The following DNALI1 variants were observed in gnomAD, a reference collection of about 807,000 sequenced individuals.
The protein encoded by DNALI1 is axonemal dynein light intermediate polypeptide 1.
A neutral mutation model predicts 33.9 loss-of-function variants in DNALI1; 31 were observed. The observed-to-expected ratio is 0.91, with a 90% CI of 0.69 to 1.23. The LOEUF (loss-of-function observed/expected upper bound fraction) is 1.23. DNALI1 is among the 50% of genes most tolerant of loss of function. The pLI is 0.00. For synonymous variants in DNALI1, 117 were observed against 129.2 expected (o/e 0.91, Z 0.64); for missense variants, 305 against 323.8 (o/e 0.94, Z 0.44).
chr1:37,562,826 TG>T lies in DNALI1; in HGVS notation c.741+583del, dbSNP rs1643456863. Reference sequence around the variant, plus strand: ...GAGGTGATAGGAGGGAGGGGGCTGGTGGACAAAGCTGGGCAGGAGGCCATGC... The same window carrying T: ...GAGGTGATAGGAGGGAGGGGGCTGGTGACAAAGCTGGGCAGGAGGCCATGC... On this transcript the variant is annotated intron_variant, in intron 5 of 5. Transcript: ENST00000652629. The surrounding 1 kb of genome is among the most constrained non-coding windows in gnomAD (Gnocchi z 5.8). Among the ~76,000 whole-genome samples the T allele has an allele frequency of 6.6e-6, 1 of 152,166 alleles. No homozygotes were observed. Among genetic ancestry groups the T allele is most frequent in the South Asian group, 2.1e-4 (1 of 4,826 alleles).
At position 37,559,591 on chromosome 1, in the gene DNALI1, G is replaced by C; in HGVS notation, c.397+95G>C. 1 of 1,318,824 alleles carries C rather than the reference G, an allele frequency of 7.6e-7. No homozygotes were observed. The highest frequency in any genetic ancestry group is 3.4e-5 in the Admixed American group (1 of 29,260). The allele number at this position is 1,318,824 out of a possible 1,614,324, so 81.7% of individuals were successfully genotyped here. A position where few individuals can be genotyped will look rare whatever the true frequency, so the allele number is the denominator to read the frequency against. On this transcript the variant is annotated intron_variant, in intron 3 of 5. Coordinates refer to ENST00000652629, the MANE Select transcript of DNALI1 (RefSeq NM_003462.5). The surrounding 1 kb of genome is among the most constrained non-coding windows in gnomAD (Gnocchi z 5.3). Reference sequence around the variant, plus strand: ...TCCAAGCCTGAGCACCTTGGAGCTGGAGCCCATCTCATGCTGGAATCCCCT... The same window carrying C: ...TCCAAGCCTGAGCACCTTGGAGCTGCAGCCCATCTCATGCTGGAATCCCCT...
intron 2 of DNALI1, 67 bp downstream of exon 2, chr1:37,557,815 G>A: frequency 6.3e-7 from 1 of 1,596,530 alleles, no homozygotes; most frequent in Non-Finnish European, 8.5e-7. Context: ...TGGGAGTGTG[G>A]GGGGAGGCAC....
rs1413348314 is a variant in DNALI1, at chr1:37,562,434, A to G, written c.741+189A>G. Among the ~76,000 whole-genome samples the G allele has an allele frequency of 2.0e-5, 3 of 152,116 alleles. No individual in the cohort carries two copies. Among genetic ancestry groups the G allele is most frequent in the Non-Finnish European group, 4.4e-5 (3 of 68,026 alleles). On this transcript the variant is annotated intron_variant, in intron 5 of 5. Coordinates refer to ENST00000652629, the MANE Select transcript of DNALI1 (RefSeq NM_003462.5). The surrounding 1 kb of genome is among the most constrained non-coding windows in gnomAD (Gnocchi z 5.8). ...GAGGGGGTCTCTACTCTCAACTCCA[A>G]ATCTCTGAGGCGCCTCAGCCTGGCT...
intron 5 of DNALI1, among the ~76,000 whole-genome samples, chr1:37,563,638 G>A (rs146675295): frequency 2.6e-3 from 393 of 152,210 alleles, no homozygotes; most frequent in Non-Finnish European, 2.9e-3. Flanking sequence ...TTACAGGCAT[G>A]TGCCAGCACG....
chr1:37,558,222 T>C (rs1329650492), intron 2 of DNALI1: 1 of 153,534 alleles, frequency 6.5e-6, no homozygotes, highest in African/African-American at 2.4e-5. Flanking sequence ...ACAGCATGTG[T>C]CCTATCCTTC....
At position 37,565,561 on chromosome 1, in the gene DNALI1, GTTTTCTAATGTATTAT is replaced by G. The variant is rs1205638406; in HGVS notation, c.*501_*516del. The G allele has an allele frequency of 6.5e-6, 1 of 154,050 alleles. No homozygotes were observed. Among genetic ancestry groups the G allele is most frequent in the East Asian group, 1.9e-4 (1 of 5,240 alleles). 9.5% of individuals were successfully genotyped at this position (154,050 alleles called of 1,614,324 possible). ...ATTTCTAACTCACTTTGGAGCTTTG[GTTTTCTAATGTATTAT>G]CCCCACTTGCCAGTCAACTGGACCC... On this transcript the variant is annotated 3_prime_UTR_variant, in exon 6 of 6. Transcript: ENST00000652629.
rs1221317001 is a variant in DNALI1, at chr1:37,559,791, C to T, written c.397+295C>T. On this transcript the variant is annotated intron_variant, in intron 3 of 5. Transcript: ENST00000652629. The surrounding 1 kb of genome is among the most constrained non-coding windows in gnomAD (Gnocchi z 5.3). ...AGAAAGAAAGGTGGGCCCAGGGGAC[C>T]GGCACTCAGCATACGGAGGACCCGC... Among the ~76,000 whole-genome samples, 1 of 152,144 alleles carries T rather than the reference C, an allele frequency of 6.6e-6. No individual in the cohort carries two copies. Among genetic ancestry groups the T allele is most frequent in the Non-Finnish European group, 1.5e-5 (1 of 68,022 alleles).
At position 37,561,199 on chromosome 1, in the gene DNALI1, C is replaced by T. The variant is rs554516900; in HGVS notation, c.398-358C>T. 9.2e-6 allele frequency: 2 copies of T among 218,414 alleles called. No homozygotes were observed. The highest frequency in any genetic ancestry group is 1.9e-3 in the Middle Eastern group (1 of 528). The allele number at this position is 218,414 out of a possible 1,614,324, so 13.5% of individuals were successfully genotyped here. On this transcript the variant is annotated intron_variant, in intron 3 of 5. Coordinates refer to ENST00000652629, the MANE Select transcript of DNALI1 (RefSeq NM_003462.5). The surrounding 1 kb of genome is among the most constrained non-coding windows in gnomAD (Gnocchi z 4.6). ...GTCCCAGCTGCTTTAAAACAGCTGC[C>T]ATCTTTAAACAGAAAAAGTCAGGTT...
Position 37,557,051 on chromosome 1 carries a change from G to A in DNALI1, c.57G>A (p.Arg19=), listed in dbSNP as rs750125902. 1.2e-6 allele frequency: 2 copies of A among 1,614,240 alleles called. No homozygotes were observed. Among genetic ancestry groups the A allele is most frequent in the East Asian group, 4.5e-5 (2 of 44,884 alleles). ...LKYDTPVLVS[R]NTEKRSPKAR... is the part of the protein sequence containing the mutation. ...ACGACACCCCAGTGCTGGTGAGCCG[G>A]AACACGGAGAAACGGAGCCCCAAGG... is the stretch of plus-strand genomic sequence containing the variant. Residue 19 remains arginine, a synonymous_variant, in exon 1 of 6, where the codon CGG becomes CGA. Transcript: ENST00000652629.
In DNALI1 at chr1:37,559,426, G is replaced by A. The variant is rs1643410015; in HGVS notation, c.327G>A (p.Lys109=). ...VVHLQEQLDL[K]LQQRQARETG... The stretch of plus-strand genomic sequence containing the variant: ...ACCTCCAGGAGCAGTTAGACTTAAA[G>A]CTGCAGCAGCGGCAGGCCAGGGAAA... Residue 109 remains lysine, a synonymous_variant, in exon 3 of 6, where the codon AAG becomes AAA. Coordinates refer to ENST00000652629, the MANE Select transcript of DNALI1 (RefSeq NM_003462.5). The surrounding 1 kb of genome is among the most constrained non-coding windows in gnomAD (Gnocchi z 5.3). 1 of 1,613,424 alleles carries A rather than the reference G, an allele frequency of 6.2e-7. No homozygotes were observed. Among genetic ancestry groups the A allele is most frequent in the Non-Finnish European group, 8.5e-7 (1 of 1,179,922 alleles).
chr1:37,558,155 C>T (rs1028643074), intron 2 of DNALI1: 6 of 166,398 alleles, frequency 3.6e-5, no homozygotes, highest in South Asian at 1.6e-4. Flanking sequence ...GCTCATCCCC[C>T]GTATTCTCCT....
rs140350682 is a variant in DNALI1, at chr1:37,566,266, G to T, written c.*1205G>T. On this transcript the variant is annotated 3_prime_UTR_variant, in exon 6 of 6. Transcript: ENST00000652629. ...AGCTTTTACCCTGATCCAGTATCCT[G>T]AGGAATTTTAAGCCTCCACTCAAAT... The T allele has an allele frequency of 6.1e-3, 926 of 152,740 alleles. 3 individuals are homozygous for T. The highest frequency in any genetic ancestry group is 8.1e-3 in the Non-Finnish European group (556 of 68,404). 9.5% of individuals were successfully genotyped at this position (152,740 alleles called of 1,614,324 possible).
In DNALI1 at chr1:37,562,901, A is replaced by G. The variant is rs1003975123; in HGVS notation, c.741+656A>G. On this transcript the variant is annotated intron_variant, in intron 5 of 5. Transcript: ENST00000652629. The surrounding 1 kb of genome is among the most constrained non-coding windows in gnomAD (Gnocchi z 5.8). ...GTTTGGTCCAAAGGTCTCAAAAGGTAGGCCCTAGATCAACATCGTCCTCAC... is the reference window on the plus strand; with the variant it reads ...GTTTGGTCCAAAGGTCTCAAAAGGTGGGCCCTAGATCAACATCGTCCTCAC... Among the ~76,000 whole-genome samples, 11 of 152,238 alleles carry G rather than the reference A, an allele frequency of 7.2e-5. No individual in the cohort carries two copies. Among genetic ancestry groups the G allele is most frequent in the Non-Finnish European group, 1.6e-4 (11 of 68,038 alleles).
In DNALI1 at chr1:37,557,006, C is replaced by G; in HGVS notation, c.12C>G (p.Pro4=). 1.2e-6 allele frequency: 2 copies of G among 1,614,188 alleles called. No homozygotes were observed. Among genetic ancestry groups the G allele is most frequent in the Non-Finnish European group, 1.7e-6 (2 of 1,180,032 alleles). MIP[P]ADSLLKYDTP... ...CTCTCGCCTCCGCCATGATTCCGCC[C>G]GCAGACTCTTTGCTCAAGTACGACA... is the stretch of plus-strand genomic sequence containing the variant. The change falls in exon 1 of 6, where the codon CCC becomes CCG. Residue 4 remains proline (P), a synonymous_variant. Transcript: ENST00000652629.
rs1316605423 is a variant in DNALI1, at chr1:37,561,353, C to CT, written c.398-204_398-203insT. On this transcript the variant is annotated intron_variant, in intron 3 of 5. Transcript: ENST00000652629. This position sits in a 1 kb window ranked among gnomAD's most constrained non-coding sequence, Gnocchi z 4.6. ...TTGCTGACTGTGCTACTCACAAGTG[C>CT]CAAGTTCAGAGGAGTGACTGCATGG... 6.8e-6 allele frequency: 4 copies of CT among 589,768 alleles called. No homozygotes were observed. In the African/African-American group the frequency reaches 7.4e-5, roughly 11 times the overall value. 36.5% of individuals were successfully genotyped at this position (589,768 alleles called of 1,614,324 possible). A position where few individuals can be genotyped will look rare whatever the true frequency, so the allele number is the denominator to read the frequency against.
chr1:37,557,495 A>AG, intron 1 of DNALI1, 108 bp from the exon 2 acceptor site: 1 of 1,437,938 alleles, frequency 7.0e-7, no homozygotes, highest in Non-Finnish European at 9.3e-7. Context: ...AAAGTAGGCT[A>AG]GGAAGAGGGG....
chr1:37,561,770 T>C lies in DNALI1; in HGVS notation c.576+35T>C, dbSNP rs1199592690. ...GTTTACCGTGACCCTTGGTCCCATC[T>C]CTTCTGTAAACCTCAGGGCCACATG... is the stretch of plus-strand genomic sequence containing the variant. On this transcript the variant is annotated intron_variant, in intron 4 of 5. Coordinates refer to ENST00000652629, the MANE Select transcript of DNALI1 (RefSeq NM_003462.5). This position sits in a 1 kb window ranked among gnomAD's most constrained non-coding sequence, Gnocchi z 4.6. 1.2e-5 allele frequency: 19 copies of C among 1,597,802 alleles called. No individual in the cohort carries two copies. Among genetic ancestry groups the C allele is most frequent in the Admixed American group, 3.4e-5 (2 of 58,944 alleles).
Position 37,566,763 on chromosome 1 carries a change from G to T in DNALI1, c.*1702G>T. 1.7e-6 allele frequency: 2 copies of T among 1,167,866 alleles called. No individual in the cohort carries two copies. The highest frequency in any genetic ancestry group is 2.8e-4 in the Middle Eastern group (1 of 3,568). The allele number at this position is 1,167,866 out of a possible 1,614,324, so 72.3% of individuals were successfully genotyped here. On this transcript the variant is annotated 3_prime_UTR_variant, in exon 6 of 6. Coordinates refer to ENST00000652629, the MANE Select transcript of DNALI1 (RefSeq NM_003462.5). The stretch of plus-strand genomic sequence containing the variant: ...TCAACTGTCAAACCTCAGAACAAAT[G>T]CATTAGGGCCTTAGAAATGTCAATG...
At chr1:37,558,745 C>T (rs1643401408) in intron 2 of DNALI1, among the ~76,000 whole-genome samples, 1 of 152,194 alleles carries the variant, frequency 6.6e-6, no homozygotes, top group Admixed American at 6.5e-5. Context: ...AGCAGAGCAC[C>T]CCTGCCCAAC....
Sources: allele counts gnomAD v4.1 joint callset (sites outside exome capture counted in the v4.1 genomes callset), GRCh38; gene constraint gnomAD v4.1.1; non-coding constraint Gnocchi (gnomAD v3.1); transcripts MANE v1.5; gene names NCBI Gene and HGNC (gene_info 2026-07-23, HGNC 2026-07-21).